Variants in BICC1 observed in about 807,000 individuals in gnomAD.
BICC1 encodes BicC family RNA binding protein 1, also known as protein bicaudal C homolog 1.
Under a neutral mutation model 111.0 loss-of-function variants are expected in BICC1, and 43 were observed. That is an observed-to-expected ratio of 0.39 (90% CI 0.30 to 0.50). BICC1 has a LOEUF of 0.50. BICC1 is among the 20% of genes least tolerant of loss of function. The pLI, the probability that BICC1 is intolerant of heterozygous loss-of-function variation, is 0.88. For synonymous variants in BICC1, 467 were observed against 434.4 expected (o/e 1.07, Z -0.93); for missense variants, 1,091 against 1,203.2 (o/e 0.91, Z 1.38).
At chr10:58,765,001 G>A (rs879872221) in intron 3 of BICC1, among the ~76,000 whole-genome samples, 3 of 152,154 alleles carry the variant, frequency 2.0e-5, no homozygotes, top group Admixed American at 2.0e-4. Flanking sequence ...CCAAATTATG[G>A]TCTAATATTC....
intron 15 of BICC1, among the ~76,000 whole-genome samples, chr10:58,806,343 A>C (rs943628686): frequency 1.3e-5 from 2 of 152,152 alleles, no homozygotes; most frequent in Non-Finnish European, 2.9e-5. Context: ...GAAAAATTCT[A>C]ACTCTTAAAG....
chr10:58,596,026 A>G (rs1469582370), intron 1 of BICC1, among the ~76,000 whole-genome samples: 3 of 152,204 alleles, frequency 2.0e-5, no homozygotes, highest in Admixed American at 6.5e-5. Flanking sequence ...GATATAGGGG[A>G]TATCACCCCT....
chr10:58,780,676 G>GT (rs1359704513), intron 3 of BICC1, among the ~76,000 whole-genome samples: 8 of 152,136 alleles, frequency 5.3e-5, no homozygotes, highest in African/African-American at 1.9e-4. Flanking sequence ...ATTCACTAAT[G>GT]TTTCCAGGGG....
In BICC1 at chr10:58,621,578, C is replaced by G. The variant is rs367679396; in HGVS notation, c.237+677C>G. 9.2e-5 allele frequency among the ~76,000 whole-genome samples: 14 copies of G among 152,060 alleles called. No individual in the cohort carries two copies. The East Asian group carries it at 9.7e-4, about 11-fold the overall frequency. On this transcript the variant is annotated intron_variant, in intron 2 of 20. Coordinates refer to ENST00000373886, the MANE Select transcript of BICC1 (RefSeq NM_001080512.3). Reference sequence around the variant, plus strand: ...CTGTAATCCCACCACTTTGAGAGGCCGAGGCTATCAGATTACTTGAGTCCA... The same window carrying G: ...CTGTAATCCCACCACTTTGAGAGGCGGAGGCTATCAGATTACTTGAGTCCA...
Position 58,823,431 on chromosome 10 carries a change from C to T in BICC1, c.2794+2963C>T, listed in dbSNP as rs73306946. 5.9e-4 allele frequency: 585 copies of T among 983,980 alleles called. 4 individuals carry two copies. The African/African-American group carries it at 9.5e-3, about 16-fold the overall frequency. The allele number at this position is 983,980 out of a possible 1,614,324, so 61.0% of individuals were successfully genotyped here. ...GTAGGACTTGACCTTGATAACCTCTCTGGAAGATTTATCTCTGTGCATCAC... is the reference window on the plus strand; with the variant it reads ...GTAGGACTTGACCTTGATAACCTCTTTGGAAGATTTATCTCTGTGCATCAC... On this transcript the variant is annotated intron_variant, in intron 20 of 20. Coordinates refer to ENST00000373886, the MANE Select transcript of BICC1 (RefSeq NM_001080512.3).
intron 2 of BICC1, among the ~76,000 whole-genome samples, chr10:58,637,389 G>A (rs1837982739): frequency 6.6e-6 from 1 of 152,110 alleles, no homozygotes; most frequent in East Asian, 1.9e-4. Context: ...TTTCATTTAG[G>A]ATGCAAAAAT....
intron 3 of BICC1, among the ~76,000 whole-genome samples, chr10:58,707,997 A>G (rs1001040227): frequency 5.6e-5 from 4 of 71,498 alleles, no homozygotes; most frequent in Middle Eastern, 8.2e-3. Context: ...GCGCCTAGCC[A>G]GCTAATTTTT....
intron 3 of BICC1, among the ~76,000 whole-genome samples, chr10:58,735,103 T>C (rs1381098837): frequency 5.9e-5 from 9 of 152,238 alleles, no homozygotes; most frequent in Admixed American, 1.3e-4. Flanking sequence ...AAATTGTGTT[T>C]TCCCTTTTTA....
intron 3 of BICC1, among the ~76,000 whole-genome samples, chr10:58,706,264 A>G (rs1380317360): frequency 2.0e-5 from 3 of 152,230 alleles, no homozygotes; most frequent in Admixed American, 1.3e-4. Context: ...AAATAAATGC[A>G]GCTTCATTAA....
At chr10:58,598,587 A>T (rs2893779) in intron 1 of BICC1, among the ~76,000 whole-genome samples, 2 of 151,956 alleles carry the variant, frequency 1.3e-5, no homozygotes, top group African/African-American at 4.8e-5. Flanking sequence ...CATTCAGGAC[A>T]TAGGCATGGG....
At chr10:58,568,827 G>C (rs1589106444) in intron 1 of BICC1, among the ~76,000 whole-genome samples, 1 of 152,158 alleles carries the variant, frequency 6.6e-6, no homozygotes, top group Non-Finnish European at 1.5e-5. Context: ...AACACCTTTT[G>C]TAAGAACGAC....
At chr10:58,651,738 T>C (rs1838455784) in intron 2 of BICC1, among the ~76,000 whole-genome samples, 1 of 152,168 alleles carries the variant, frequency 6.6e-6, no homozygotes, top group South Asian at 2.1e-4. Flanking sequence ...TTTAAAGCTT[T>C]AGTCTTTTTT....
chr10:58,655,839 T>C (rs1425807600), intron 2 of BICC1, among the ~76,000 whole-genome samples: 2 of 149,194 alleles, frequency 1.3e-5, no homozygotes, highest in Non-Finnish European at 3.0e-5. Flanking sequence ...ATAGCTCTTA[T>C]TATTTTGAAA....
intron 1 of BICC1, among the ~76,000 whole-genome samples, chr10:58,551,638 C>T (rs541338608): frequency 6.6e-6 from 1 of 152,230 alleles, no homozygotes; most frequent in Admixed American, 6.5e-5. Flanking sequence ...CAACATCTTC[C>T]TAATTCCACA....
intron 3 of BICC1, among the ~76,000 whole-genome samples, chr10:58,739,675 G>A (rs11006246): frequency 0.037 from 5,634 of 152,014 alleles, 390 homozygotes; most frequent in African/African-American, 0.13. Context: ...TGTTAGAACC[G>A]ATCTAACTTG....
intron 20 of BICC1, among the ~76,000 whole-genome samples, chr10:58,824,957 A>T (rs1414374387): frequency 6.6e-6 from 1 of 152,172 alleles, no homozygotes; most frequent in South Asian, 2.1e-4. Flanking sequence ...TGTTTCAATT[A>T]ACTTTTTACC....
At chr10:58,803,824 A>G (rs1216322045) in intron 15 of BICC1, among the ~76,000 whole-genome samples, 7 of 152,226 alleles carry the variant, frequency 4.6e-5, no homozygotes, top group Non-Finnish European at 8.8e-5. Context: ...TTTTCAAACT[A>G]TTAGTCTAAT....
intron 1 of BICC1, among the ~76,000 whole-genome samples, chr10:58,522,816 TAAAG>T (rs772462309): frequency 9.2e-5 from 14 of 151,532 alleles, no homozygotes; most frequent in African/African-American, 1.5e-4. Context: ...GCAAGACTAA[TAAAG>T]AAGAAAAGAG....
At chr10:58,654,050 A>G (rs1588976866) in intron 2 of BICC1, among the ~76,000 whole-genome samples, 1 of 147,784 alleles carries the variant, frequency 6.8e-6, no homozygotes, top group Middle Eastern at 3.5e-3. Flanking sequence ...CATGATGTAT[A>G]TGTGCCACAT....
Sources: allele counts gnomAD v4.1 joint callset (sites outside exome capture counted in the v4.1 genomes callset), GRCh38; gene constraint gnomAD v4.1.1; transcripts MANE v1.5; gene names NCBI Gene and HGNC (gene_info 2026-07-23, HGNC 2026-07-21).